CD163L1: variants seen among roughly 807,000 people sequenced by gnomAD.
CD163L1 encodes CD163 molecule like 1, also known as scavenger receptor cysteine-rich type 1 protein M160.
CD163L1 carries 124 observed loss-of-function variants against 165.4 expected under a neutral mutation model. The ratio of observed to expected loss-of-function variants is 0.75; its 90% confidence interval spans 0.65 to 0.87. The LOEUF is 0.87. CD163L1 is among the 40% of genes least tolerant of loss of function. CD163L1 has a pLI of 0.00. For missense variants in CD163L1, 1,525 were observed against 1,799.9 expected (o/e 0.85, Z 2.76); for synonymous variants, 585 against 662.2 (o/e 0.88, Z 1.79).
rs1255721417 is a variant in CD163L1 at position 7,374,879 on chromosome 12, C to G, written c.3046G>C (p.Asp1016His). 1.9e-6 allele frequency: 3 copies of G among 1,614,138 alleles called. No individual in the cohort carries two copies. The South Asian group carries it at 3.3e-5, about 18-fold the overall frequency. ...PLFPCLANVSDPYLSAVPEGS... is the reference protein window; with the variant it reads ...PLFPCLANVSHPYLSAVPEGS... ...TCTGGAACTGCAGACAAATATGGGT[C>G]AGATACATTTGCGAGGCATGGAAAC... is the stretch of plus-strand genomic sequence containing the variant. The change falls in exon 12 of 20, where the codon GAC (aspartate) becomes CAC (histidine). Residue 1016 changes from aspartate to histidine, a missense_variant. Physicochemically the swap from Asp to His is moderately conservative, Grantham distance 81. Transcript: ENST00000313599. The surrounding 1 kb of genome is among the most constrained non-coding windows in gnomAD (Gnocchi z 5.4).
At chr12:7,340,166 C>T in the CD163L1 span, among the ~76,000 whole-genome samples, 1 of 152,186 alleles carries the variant, frequency 6.6e-6, no homozygotes, top group East Asian at 1.9e-4. Flanking sequence ...TGGATATGTC[C>T]TATAGATACC....
At position 7,369,674 on chromosome 12, in the gene CD163L1, G is replaced by T. The variant is rs1358073744; in HGVS notation, c.3731-9C>A. ...ACGCACTCTTATTCTATCTACAAAG[G>T]CACAAAACATGGCTGTCTTTACTCC... On this transcript the variant is annotated splice_polypyrimidine_tract_variant and intron_variant, in intron 14 of 19. Transcript: ENST00000313599. The surrounding 1 kb of genome is among the most constrained non-coding windows in gnomAD (Gnocchi z 4.9). 5 of 1,604,206 alleles carry T rather than the reference G, an allele frequency of 3.1e-6. No individual in the cohort carries two copies. Among genetic ancestry groups the T allele is most frequent in the South Asian group, 1.1e-5 (1 of 90,598 alleles).
At chr12:7,410,290 A>G (rs1948110132) in intron 4 of CD163L1, among the ~76,000 whole-genome samples, 1 of 152,184 alleles carries the variant, frequency 6.6e-6, no homozygotes, top group South Asian at 2.1e-4. Context: ...TAGAGAATTC[A>G]GCAGAAGAAA....
chr12:7,346,712 G>A (rs1386124404), exon 5 of CD163L1: 1 of 152,170 alleles, frequency 6.6e-6, no homozygotes, highest in Non-Finnish European at 1.5e-5. Flanking sequence ...GAATAATTAT[G>A]CTTACAAAAC....
chr12:7,408,076 C>T (rs1343283524), intron 4 of CD163L1, among the ~76,000 whole-genome samples: 1 of 142,868 alleles, frequency 7.0e-6, no homozygotes, highest in Non-Finnish European at 1.5e-5. Flanking sequence ...CTGAACACTA[C>T]ATATATATAT....
At chr12:7,330,096 A>T in the CD163L1 span, among the ~76,000 whole-genome samples, 1 of 152,210 alleles carries the variant, frequency 6.6e-6, no homozygotes, top group South Asian at 2.1e-4. Flanking sequence ...TAATCCTCTT[A>T]TCAATCCTTT....
intron 4 of CD163L1, among the ~76,000 whole-genome samples, chr12:7,416,207 G>A (rs973980656): frequency 2.0e-5 from 3 of 152,072 alleles, no homozygotes; most frequent in Admixed American, 6.6e-5. Context: ...ATGTTTGTTG[G>A]CCACATAAAT....
chr12:7,342,469 G>C (rs1946643689), downstream of CD163L1, among the ~76,000 whole-genome samples: 1 of 152,036 alleles, frequency 6.6e-6, no homozygotes, highest in Non-Finnish European at 1.5e-5. Flanking sequence ...ATAAATACGT[G>C]GGCAAATCTC....
intron 4 of CD163L1, among the ~76,000 whole-genome samples, chr12:7,422,317 A>G (rs534455743): frequency 1.3e-5 from 2 of 152,174 alleles, no homozygotes; most frequent in Non-Finnish European, 2.9e-5. Context: ...AGGTAGATAA[A>G]CCCACGAAGA....
At position 7,432,934 on chromosome 12, in the gene CD163L1, G is replaced by GA. The variant is rs770458162; in HGVS notation, c.446-199dup. 1.4e-4 allele frequency among the ~76,000 whole-genome samples: 22 copies of GA among 152,106 alleles called. No homozygotes were observed. Among genetic ancestry groups the GA allele is most frequent in the Non-Finnish European group, 2.1e-4 (14 of 67,984 alleles). On this transcript the variant is annotated intron_variant, in intron 3 of 19. Coordinates refer to ENST00000313599, the MANE Select transcript of CD163L1 (RefSeq NM_174941.6). The surrounding 1 kb of genome is among the most constrained non-coding windows in gnomAD (Gnocchi z 4.2). ...TACACAAACAAAAAAAATCCTAGGT[G>GA]AAAAAATCAATCATTAGCATGATAT...
chr12:7,360,087 A>T (rs1051021176), intron 18 of CD163L1, among the ~76,000 whole-genome samples: 1 of 152,136 alleles, frequency 6.6e-6, no homozygotes, highest in African/African-American at 2.4e-5. Context: ...CTTTAAAAAA[A>T]ATTCCTGCAC....
At chr12:7,426,297 G>C (rs375298697) in intron 4 of CD163L1, among the ~76,000 whole-genome samples, 3 of 152,022 alleles carry the variant, frequency 2.0e-5, no homozygotes, top group East Asian at 3.9e-4. Context: ...GTCTGGGAAT[G>C]GGGGGCAAGG....
chr12:7,394,481 A>T (rs948305573), intron 8 of CD163L1, among the ~76,000 whole-genome samples: 18 of 152,240 alleles, frequency 1.2e-4, no homozygotes, highest in African/African-American at 4.3e-4. Context: ...ACCTAAAAGC[A>T]TAAAAACCCT....
At chr12:7,426,648 T>C (rs1249957893) in intron 4 of CD163L1, among the ~76,000 whole-genome samples, 3 of 151,988 alleles carry the variant, frequency 2.0e-5, no homozygotes, top group African/African-American at 7.2e-5. Context: ...CAAAACCAGG[T>C]TGATAGGTGC....
At position 7,432,162 on chromosome 12, in the gene CD163L1, G is replaced by T. The variant is rs1361177989; in HGVS notation, c.766+254C>A. On this transcript the variant is annotated intron_variant, in intron 4 of 19. Coordinates refer to ENST00000313599, the MANE Select transcript of CD163L1 (RefSeq NM_174941.6). This position sits in a 1 kb window ranked among gnomAD's most constrained non-coding sequence, Gnocchi z 4.2. Reference sequence around the variant, plus strand: ...ATTTGAAAAAGGTTTTTAGAAAAAAGATTTGATCGGCCTATGGAATACTGC... The same window carrying T: ...ATTTGAAAAAGGTTTTTAGAAAAAATATTTGATCGGCCTATGGAATACTGC... Among the ~76,000 whole-genome samples, 1 of 152,128 alleles carries T rather than the reference G, an allele frequency of 6.6e-6. No homozygotes were observed. The highest frequency in any genetic ancestry group is 1.9e-4 in the East Asian group (1 of 5,192).
downstream of CD163L1, among the ~76,000 whole-genome samples, chr12:7,345,046 A>G (rs1311360667): frequency 6.6e-6 from 1 of 151,796 alleles, no homozygotes; most frequent in Admixed American, 6.6e-5. Context: ...TGTCTTGGCT[A>G]TCAGCACTTG....
chr12:7,364,123 A>G (rs1946962769), intron 18 of CD163L1, among the ~76,000 whole-genome samples: 1 of 152,174 alleles, frequency 6.6e-6, no homozygotes. Flanking sequence ...GGATGCAAAG[A>G]TTGTTCAACA....
chr12:7,350,897 A>T (rs1435060060), downstream of CD163L1, among the ~76,000 whole-genome samples: 1 of 152,132 alleles, frequency 6.6e-6, no homozygotes, highest in African/African-American at 2.4e-5. Flanking sequence ...TTTACCTGAA[A>T]TTCATCAATA....
chr12:7,354,197 G>A (rs1009438407), downstream of CD163L1, among the ~76,000 whole-genome samples: 16 of 151,836 alleles, frequency 1.1e-4, no homozygotes, highest in African/African-American at 3.9e-4. Context: ...TAATCACCTA[G>A]GCTTCTTTTT....
Sources: allele counts gnomAD v4.1 joint callset (sites outside exome capture counted in the v4.1 genomes callset), GRCh38; gene constraint gnomAD v4.1.1; non-coding constraint Gnocchi (gnomAD v3.1); transcripts MANE v1.5; gene names NCBI Gene and HGNC (gene_info 2026-07-23, HGNC 2026-07-21).